The following SERPINB7 variants were observed in gnomAD, a reference collection of about 807,000 sequenced individuals.
SERPINB7 encodes the protein serpin B7.
SERPINB7 carries 31 observed loss-of-function variants against 37.4 expected under a neutral mutation model. That is an observed-to-expected ratio of 0.83 (90% CI 0.62 to 1.12). SERPINB7 has a LOEUF of 1.12. Ranked by LOEUF, SERPINB7 falls within the 50% of genes most tolerant of loss-of-function variation. The pLI is 0.00. For missense variants in SERPINB7, 521 were observed against 455.3 expected, an observed-to-expected ratio of 1.14 and a Z score of -1.31; for synonymous variants, 163 against 166.1, an observed-to-expected ratio of 0.98 and a Z score of 0.14.
upstream of SERPINB7, among the ~76,000 whole-genome samples, chr18:63,774,486 C>T (rs2049230772): frequency 6.6e-6 from 1 of 152,078 alleles, no homozygotes; most frequent in Non-Finnish European, 1.5e-5. Flanking sequence ...AGCTCAACCT[C>T]ATGATGCTAC....
At chr18:63,760,635 G>A (rs2144584932) in intron 1 of SERPINB7, among the ~76,000 whole-genome samples, 1 of 152,244 alleles carries the variant, frequency 6.6e-6, no homozygotes, top group Admixed American at 6.5e-5. Flanking sequence ...TGTGGGCTGG[G>A]CCCAGGGTCC....
At position 63,791,675 on chromosome 18, in the gene SERPINB7, A is replaced by G. The variant is rs1436404897; in HGVS notation, c.169-718A>G. ...GCCCAGGCTGGAGTGCAGTGGTGCT[A>G]TCTCGGCTCACTGCAAGCTCTACCT... On this transcript the variant is annotated intron_variant, in intron 2 of 7. Transcript: ENST00000398019. 3.3e-5 allele frequency among the ~76,000 whole-genome samples: 5 copies of G among 151,762 alleles called. 1 individual carries two copies. The highest frequency in any genetic ancestry group is 6.3e-3 in the Middle Eastern group (2 of 316).
intron 1 of SERPINB7, among the ~76,000 whole-genome samples, chr18:63,758,739 C>T (rs1486580962): frequency 6.6e-6 from 1 of 152,134 alleles, no homozygotes; most frequent in Non-Finnish European, 1.5e-5. Flanking sequence ...ATGTGATGGT[C>T]CCACCTCCTT....
chr18:63,768,844 T>TGTAA (rs2049194628), intron 1 of SERPINB7, among the ~76,000 whole-genome samples: 1 of 152,112 alleles, frequency 6.6e-6, no homozygotes, highest in Non-Finnish European at 1.5e-5. Flanking sequence ...TACTAAGCTC[T>TGTAA]TTGTTACCAT....
At chr18:63,792,691 T>C (rs923193953) in intron 3 of SERPINB7, among the ~76,000 whole-genome samples, 8 of 152,206 alleles carry the variant, frequency 5.3e-5, no homozygotes, top group African/African-American at 1.9e-4. Flanking sequence ...TTGGAGAATG[T>C]GGAACTATCC....
chr18:63,784,910 T>C (rs113828793), intron 2 of SERPINB7, among the ~76,000 whole-genome samples: 1,665 of 152,320 alleles, frequency 0.011, 38 homozygotes, highest in African/African-American at 0.038. Context: ...TCCTGTCTGG[T>C]ACACCTTCTG....
In SERPINB7 at chr18:63,800,859, C is replaced by T. The variant is rs1218540593; in HGVS notation, c.598-7C>T. ...TCATAAATAATTTTTTGTGACTTGA[C>T]TTTCAGTGCTCTGGGAAGGCAGTCG... On this transcript the variant is annotated splice_region_variant and splice_polypyrimidine_tract_variant and intron_variant, in intron 6 of 7. Transcript: ENST00000398019. 1 of 1,611,492 alleles carries T rather than the reference C, an allele frequency of 6.2e-7. No homozygotes were observed. Among genetic ancestry groups the T allele is most frequent in the South Asian group, 1.1e-5 (1 of 90,350 alleles).
upstream of SERPINB7, among the ~76,000 whole-genome samples, chr18:63,773,919 G>C (rs928763310): frequency 6.6e-6 from 1 of 152,118 alleles, no homozygotes. Flanking sequence ...AGATTATCCA[G>C]TATGTGTGTC....
chr18:63,793,511 G>A (rs939957368), intron 4 of SERPINB7, among the ~76,000 whole-genome samples: 1 of 152,164 alleles, frequency 6.6e-6, no homozygotes, highest in African/African-American at 2.4e-5. Context: ...AGAAGAGAAC[G>A]TGTCTATTGG....
intron 1 of SERPINB7, among the ~76,000 whole-genome samples, chr18:63,766,678 G>T (rs1009773872): frequency 5.3e-5 from 8 of 152,002 alleles, no homozygotes; most frequent in Admixed American, 2.0e-4. Flanking sequence ...GATTCCCAAA[G>T]CAAACAAGAT....
chr18:63,804,123 T>C, intron 7 of SERPINB7, 114 bp from the exon 8 acceptor site: 1 of 758,776 alleles, frequency 1.3e-6, no homozygotes, highest in Non-Finnish European at 2.1e-6. Flanking sequence ...TTCATGTACT[T>C]GAACACAAAT....
At position 63,758,917 on chromosome 18, in the gene SERPINB7, C is replaced by A. The variant is rs12967770; in HGVS notation, c.-19+5797C>A. Among the ~76,000 whole-genome samples, 627 of 152,262 alleles carry A rather than the reference C, an allele frequency of 4.1e-3. 7 individuals are homozygous for A. The highest frequency in any genetic ancestry group is 0.015 in the African/African-American group (603 of 41,556). ...GGGGTCCAAGAGTTTTCATATTAAG[C>A]CTTAAATGTTTAAGAAGAAATTTAA... On this transcript the variant is annotated intron_variant, in intron 1 of 7. Transcript: ENST00000336429.
At chr18:63,771,795 G>T (rs768947404), upstream of SERPINB7, among the ~76,000 whole-genome samples, 3 of 151,890 alleles carry the variant, frequency 2.0e-5, no homozygotes, top group Non-Finnish European at 2.9e-5. Flanking sequence ...ATTTTGTGGG[G>T]ATATTTATGA....
intron 1 of SERPINB7, among the ~76,000 whole-genome samples, chr18:63,755,429 G>A (rs1274300887): frequency 6.6e-6 from 1 of 152,162 alleles, no homozygotes; most frequent in Non-Finnish European, 1.5e-5. Flanking sequence ...ATGAAACTGA[G>A]CTTAGTTTCT....
In SERPINB7 at chr18:63,804,504, G is replaced by A. The variant is rs574788159; in HGVS notation, c.1012G>A (p.Ala338Thr). 4 of 1,613,724 alleles carry A rather than the reference G, an allele frequency of 2.5e-6. No individual in the cohort carries two copies. In the South Asian group the frequency reaches 4.4e-5, roughly 18 times the overall value. ...CACTGAGGAGGGCACCGAGGCTACTGCTGCCACAGGAAGTAATATTGTAGA... is the reference window on the plus strand; with the variant it reads ...CACTGAGGAGGGCACCGAGGCTACTACTGCCACAGGAAGTAATATTGTAGA... ...EVTEEGTEATAATGSNIVEKQ... is the reference protein window; with the variant it reads ...EVTEEGTEATTATGSNIVEKQ... The change falls in exon 8 of 8, where the codon GCT becomes ACT. Residue 338 changes from alanine (A) to threonine (T), a missense_variant. Transcript: ENST00000398019.
intron 2 of SERPINB7, among the ~76,000 whole-genome samples, chr18:63,783,006 C>T (rs1382567877): frequency 6.6e-6 from 1 of 151,428 alleles, no homozygotes; most frequent in Non-Finnish European, 1.5e-5. Flanking sequence ...GGCATGGTGG[C>T]GGGCGCCTGT....
chr18:63,799,285 T>G (rs1052307795), intron 6 of SERPINB7, among the ~76,000 whole-genome samples: 3 of 152,210 alleles, frequency 2.0e-5, no homozygotes. Flanking sequence ...CATATATTCT[T>G]GGGTTTTAAA....
chr18:63,799,830 C>T (rs1300836439), intron 6 of SERPINB7, among the ~76,000 whole-genome samples: 2 of 152,156 alleles, frequency 1.3e-5, no homozygotes, highest in Non-Finnish European at 2.9e-5. Flanking sequence ...TCTGTCCTCC[C>T]CATGTAGGAT....
At chr18:63,786,455 G>T (rs1170378794) in intron 2 of SERPINB7, among the ~76,000 whole-genome samples, 1 of 151,262 alleles carries the variant, frequency 6.6e-6, no homozygotes, top group Non-Finnish European at 1.5e-5. Flanking sequence ...TTTAAAAGTT[G>T]TACAAATTTG....
Sources: gnomAD v4.1 joint callset for allele counts (sites outside exome capture counted in the v4.1 genomes callset) on GRCh38, gnomAD v4.1.1 for gene constraint, MANE v1.5 for transcripts, NCBI Gene and HGNC (gene_info 2026-07-23, HGNC 2026-07-21) for gene names.